FAF1: variants seen among roughly 807,000 people sequenced by gnomAD.
The protein encoded by FAF1 is Fas associated factor 1, also known as FAS-associated factor 1.
FAF1 carries 25 observed loss-of-function variants against 92.5 expected under a neutral mutation model. That is an observed-to-expected ratio of 0.27 (90% CI 0.20 to 0.38). The LOEUF is 0.38. Among genes scored for constraint, FAF1 ranks in the 10% least tolerant of loss-of-function variants. The pLI is 1.00. For missense variants in FAF1, 636 were observed against 793.3 expected (o/e 0.80, Z 2.38); for synonymous variants, 234 against 273.2 (o/e 0.86, Z 1.42).
At chr1:50,795,673 T>C (rs999893306) in intron 3 of FAF1, among the ~76,000 whole-genome samples, 2 of 152,234 alleles carry the variant, frequency 1.3e-5, no homozygotes, top group Admixed American at 1.3e-4. Flanking sequence ...TGATTCCTCT[T>C]ACATGCCTAA....
intron 2 of FAF1, among the ~76,000 whole-genome samples, chr1:50,849,245 C>T (rs185999830): frequency 2.0e-5 from 3 of 146,646 alleles, no homozygotes; most frequent in Middle Eastern, 3.5e-3. Flanking sequence ...ATAGCCTAGG[C>T]GACAGAGTGA....
At chr1:50,674,403 T>G (rs1274783654) in intron 7 of FAF1, among the ~76,000 whole-genome samples, 2 of 152,182 alleles carry the variant, frequency 1.3e-5, no homozygotes, top group African/African-American at 2.4e-5. Flanking sequence ...TAACTCTTCC[T>G]TCATATATTT....
chr1:50,725,363 G>A (rs1043214046), intron 6 of FAF1, among the ~76,000 whole-genome samples: 1 of 152,016 alleles, frequency 6.6e-6, no homozygotes, highest in Non-Finnish European at 1.5e-5. Context: ...AGCACCCACT[G>A]GAAAATATAA....
At chr1:50,663,638 C>T (rs1241109149) in intron 7 of FAF1, among the ~76,000 whole-genome samples, 1 of 151,348 alleles carries the variant, frequency 6.6e-6, no homozygotes, top group Non-Finnish European at 1.5e-5. Flanking sequence ...CTCCTGACCT[C>T]GTGATCCACC....
intron 2 of FAF1, among the ~76,000 whole-genome samples, chr1:50,852,221 GT>G (rs1217531656): frequency 2.0e-5 from 3 of 152,216 alleles, no homozygotes; most frequent in African/African-American, 7.2e-5. Context: ...TTCCTTGGGT[GT>G]CTGGGTTGTC....
At chr1:50,586,157 G>A (rs1651222322) in intron 9 of FAF1, among the ~76,000 whole-genome samples, 1 of 152,036 alleles carries the variant, frequency 6.6e-6, no homozygotes, top group South Asian at 2.1e-4. Flanking sequence ...ATCTGTCATC[G>A]GCGGTTTTCT....
At chr1:50,945,263 C>T (rs979660423) in intron 1 of FAF1, among the ~76,000 whole-genome samples, 5 of 152,102 alleles carry the variant, frequency 3.3e-5, no homozygotes, top group Non-Finnish European at 7.4e-5. Context: ...GTGGCCAGAG[C>T]CAGCTGATTG....
chr1:50,709,950 T>C (rs532417877), intron 6 of FAF1, among the ~76,000 whole-genome samples: 5 of 152,158 alleles, frequency 3.3e-5, no homozygotes, highest in Non-Finnish European at 7.3e-5. Flanking sequence ...CATAGAACAG[T>C]TCAGAAACGA....
chr1:50,782,231 A>C (rs2124563834), intron 4 of FAF1, among the ~76,000 whole-genome samples: 1 of 152,162 alleles, frequency 6.6e-6, no homozygotes, highest in South Asian at 2.1e-4. Context: ...TCCTTCAGGA[A>C]GTATTCTAAA....
chr1:50,696,603 A>T (rs765083103), intron 7 of FAF1, among the ~76,000 whole-genome samples: 1 of 152,206 alleles, frequency 6.6e-6, no homozygotes, highest in Non-Finnish European at 1.5e-5. Flanking sequence ...CCTAGCCTTC[A>T]TCTAAATGGA....
At chr1:50,790,945 T>C (rs895481008) in intron 3 of FAF1, among the ~76,000 whole-genome samples, 1 of 152,202 alleles carries the variant, frequency 6.6e-6, no homozygotes. Context: ...GACCAACTAT[T>C]GTTCCATAAA....
chr1:50,818,799 T>G (rs1264384316), intron 2 of FAF1, among the ~76,000 whole-genome samples: 1 of 151,670 alleles, frequency 6.6e-6, no homozygotes, highest in Non-Finnish European at 1.5e-5. Flanking sequence ...ATCGCGCCAC[T>G]GCACTCCAGC....
chr1:50,867,311 G>C (rs1324197587), intron 1 of FAF1, among the ~76,000 whole-genome samples: 1 of 151,924 alleles, frequency 6.6e-6, no homozygotes, highest in Non-Finnish European at 1.5e-5. Flanking sequence ...AAAGCAAATG[G>C]AACAAAATCC....
intron 1 of FAF1, among the ~76,000 whole-genome samples, chr1:50,875,016 C>A (rs551372734): frequency 5.1e-4 from 78 of 151,764 alleles, no homozygotes; most frequent in African/African-American, 1.9e-3. Flanking sequence ...TCTTTTCCTT[C>A]TTCCCTTCCC....
chr1:50,673,672 TGAA>T (rs773628784), intron 7 of FAF1, among the ~76,000 whole-genome samples: 15 of 152,188 alleles, frequency 9.9e-5, no homozygotes, highest in Admixed American at 2.0e-4. Context: ...GGTTGAAATC[TGAA>T]GAAGAAGGTA....
intron 13 of FAF1, among the ~76,000 whole-genome samples, chr1:50,557,310 A>G (rs1251672337): frequency 6.6e-6 from 1 of 152,242 alleles, no homozygotes; most frequent in Non-Finnish European, 1.5e-5. Flanking sequence ...AAACTGTCAA[A>G]CAGCTTTTAA....
At chr1:50,582,572 C>T (rs747255468) in intron 12 of FAF1, 46 bp downstream of exon 12, 1 of 1,238,912 alleles carries the variant, frequency 8.1e-7, no homozygotes, top group South Asian at 1.2e-5. Context: ...TAGTGGTAAA[C>T]CTGTGGGATG....
intron 1 of FAF1, among the ~76,000 whole-genome samples, chr1:50,906,586 G>A (rs1446882268): frequency 2.0e-5 from 3 of 152,090 alleles, no homozygotes; most frequent in Non-Finnish European, 2.9e-5. Flanking sequence ...CCTTGAAGAG[G>A]TCCTTCACGT....
intron 4 of FAF1, among the ~76,000 whole-genome samples, chr1:50,768,175 C>T: frequency 6.6e-6 from 1 of 151,932 alleles, no homozygotes; most frequent in East Asian, 1.9e-4. Context: ...ACACCTTAAA[C>T]CAAAAAGATT....
Sources: gnomAD v4.1 joint callset for allele counts (sites outside exome capture counted in the v4.1 genomes callset) on GRCh38, gnomAD v4.1.1 for gene constraint, MANE v1.5 for transcripts, NCBI Gene and HGNC (gene_info 2026-07-23, HGNC 2026-07-21) for gene names.